Variants in TMEM175 observed in about 807,000 individuals in gnomAD.
TMEM175 encodes endosomal/lysosomal proton channel TMEM175.
A neutral mutation model predicts 36.5 loss-of-function variants in TMEM175; 36 were observed. The observed-to-expected ratio is 0.99, with a 90% CI of 0.76 to 1.30. The LOEUF (loss-of-function observed/expected upper bound fraction) is 1.30. Ranked by LOEUF, TMEM175 falls within the 50% of genes most tolerant of loss-of-function variation. The pLI, the probability that TMEM175 is intolerant of heterozygous loss-of-function variation, is 0.00. For missense variants in TMEM175, 705 were observed against 692.8 expected (o/e 1.02, Z -0.20); for synonymous variants, 339 against 313.4 (o/e 1.08, Z -0.86).
chr4:941,439 CTTT>C (rs1228124580), intron 1 of TMEM175, among the ~76,000 whole-genome samples: 1 of 131,634 alleles, frequency 7.6e-6, no homozygotes. Context: ...CTCTATTTTT[CTTT>C]TTTTTTTTTT....
chr4:944,506 G>A lies in TMEM175; in HGVS notation c.-31-3203G>A, dbSNP rs370798864. ...AGCAAAAGCCCCCCACCTGCTCCCC[G>A]CCCCTCCCTGCCTGGGTTGCTGCAG... is the stretch of plus-strand genomic sequence containing the variant. On this transcript the variant is annotated intron_variant, in intron 1 of 10. Coordinates refer to ENST00000264771, the MANE Select transcript of TMEM175 (RefSeq NM_032326.4). Among the ~76,000 whole-genome samples, 6 of 152,006 alleles carry A rather than the reference G, an allele frequency of 3.9e-5. No individual in the cohort carries two copies. The East Asian group carries it at 7.7e-4, about 20-fold the overall frequency.
chr4:946,566 C>T (rs1288969850), intron 1 of TMEM175, among the ~76,000 whole-genome samples: 1 of 152,220 alleles, frequency 6.6e-6, no homozygotes, highest in Non-Finnish European at 1.5e-5. Flanking sequence ...ATGGCTCCTG[C>T]AGCCATACCT....
chr4:956,217 C>T (rs1729614117), intron 10 of TMEM175: 6 of 989,642 alleles, frequency 6.1e-6, no homozygotes, highest in Non-Finnish European at 8.1e-6. Context: ...GGGTATCCCC[C>T]TGCCCCAGGC....
rs1560506618 is a variant in TMEM175 at position 958,432 on chromosome 4, AC to A, written c.1457del (p.Pro486ArgfsTer?). 9 of 1,558,662 alleles carry A rather than the reference AC, an allele frequency of 5.8e-6. No homozygotes were observed. The highest frequency in any genetic ancestry group is 6.9e-6 in the Non-Finnish European group (8 of 1,158,714). On this transcript the variant is annotated frameshift_variant, in exon 11 of 11. Coordinates refer to ENST00000264771, the MANE Select transcript of TMEM175 (RefSeq NM_032326.4). LOFTEE classifies it low-confidence loss of function (END_TRUNC). ...RVLRGLARPE[H>X]PPPAPTGQDD... ...CTGCGGGGCCTCGCCCGGCCCGAAC[AC>A]CCCCCGCCAGCCCCCACGGGCCAGG...
intron 1 of TMEM175, among the ~76,000 whole-genome samples, chr4:939,111 A>C (rs533935178): frequency 6.6e-6 from 1 of 152,356 alleles, no homozygotes; most frequent in South Asian, 2.1e-4. Flanking sequence ...AGCCTGGGCA[A>C]CAGTGTGGAG....
At chr4:951,616 C>G in intron 5 of TMEM175, 66 bp from the exon 6 acceptor site, 1 of 1,608,360 alleles carries the variant, frequency 6.2e-7, no homozygotes, top group Non-Finnish European at 8.5e-7. Flanking sequence ...CCGGAGTGGG[C>G]TCTGTCCATT....
intron 1 of TMEM175, among the ~76,000 whole-genome samples, chr4:939,454 G>T (rs934836222): frequency 6.6e-6 from 1 of 151,586 alleles, no homozygotes; most frequent in Non-Finnish European, 1.5e-5. Context: ...AATGGCTCAC[G>T]CCTGTAATCC....
chr4:942,110 G>T (rs1332507874), intron 1 of TMEM175, among the ~76,000 whole-genome samples: 1 of 150,916 alleles, frequency 6.6e-6, no homozygotes, highest in Non-Finnish European at 1.5e-5. Flanking sequence ...CTAGGCTGGA[G>T]TGCAGTGGTG....
At chr4:954,313 A>G (rs1729344090) in intron 8 of TMEM175, among the ~76,000 whole-genome samples, 1 of 152,194 alleles carries the variant, frequency 6.6e-6, no homozygotes, top group Non-Finnish European at 1.5e-5. Flanking sequence ...AGGAATCTAT[A>G]CAAAACTGTG....
intron 8 of TMEM175, among the ~76,000 whole-genome samples, chr4:953,587 G>A (rs1377756977): frequency 2.6e-5 from 4 of 152,248 alleles, no homozygotes; most frequent in East Asian, 1.9e-4. Context: ...GACGCTCATC[G>A]AAGGAAGGGG....
In TMEM175 at chr4:934,911, A is replaced by G. The variant is rs147001081; in HGVS notation, c.-32+2371A>G. ...GCTGCAGTTGTAGGTGACCTTATGT[A>G]TTTATTGGAATGAAGGTGAAGGAAT... On this transcript the variant is annotated intron_variant, in intron 1 of 10. Coordinates refer to ENST00000264771, the MANE Select transcript of TMEM175 (RefSeq NM_032326.4). 2.9e-3 allele frequency among the ~76,000 whole-genome samples: 444 copies of G among 152,326 alleles called. 2 individuals carry two copies. The highest frequency in any genetic ancestry group is 0.01 in the African/African-American group (425 of 41,582).
chr4:951,854 G>A (rs751350605), intron 6 of TMEM175, 137 bp downstream of exon 6: 680 of 987,684 alleles, frequency 6.9e-4, no homozygotes, highest in Non-Finnish European at 9.7e-4. Context: ...GTTCTGGGGA[G>A]AGCCAGCTGT....
chr4:958,639 C>T lies in TMEM175; in HGVS notation c.*143C>T, dbSNP rs1038512912. On this transcript the variant is annotated 3_prime_UTR_variant, in exon 11 of 11. Coordinates refer to ENST00000264771, the MANE Select transcript of TMEM175 (RefSeq NM_032326.4). ...TATTTTCATTGTGAAATATCATGCT[C>T]TTATTTCAGTCCTCAAATTGTTCTC... 1 of 673,398 alleles carries T rather than the reference C, an allele frequency of 1.5e-6. No individual in the cohort carries two copies. The highest frequency in any genetic ancestry group is 1.8e-5 in the African/African-American group (1 of 54,330). 41.7% of individuals were successfully genotyped at this position (673,398 alleles called of 1,614,324 possible).
chr4:943,155 T>G (rs1356065273), intron 1 of TMEM175, among the ~76,000 whole-genome samples: 2 of 151,814 alleles, frequency 1.3e-5, no homozygotes, highest in African/African-American at 4.8e-5. Context: ...AGATGCCTAA[T>G]TAGTCAGTAG....
chr4:953,101 G>T, intron 7 of TMEM175, 89 bp from the exon 8 acceptor site: 4 of 1,384,202 alleles, frequency 2.9e-6, no homozygotes, highest in Non-Finnish European at 3.9e-6. Context: ...AGACCCTTGC[G>T]TGCGTGTGCC....
At chr4:944,584 C>T (rs551287727) in intron 1 of TMEM175, among the ~76,000 whole-genome samples, 113 of 152,198 alleles carry the variant, frequency 7.4e-4, no homozygotes, top group African/African-American at 2.6e-3. Context: ...TCATTTCTTA[C>T]CGTATACACA....
At chr4:937,426 G>T (rs993214031) in intron 1 of TMEM175, among the ~76,000 whole-genome samples, 4 of 152,140 alleles carry the variant, frequency 2.6e-5, no homozygotes, top group African/African-American at 9.7e-5. Context: ...TACCCAGCAT[G>T]GTGGTAGGTG....
intron 1 of TMEM175, among the ~76,000 whole-genome samples, chr4:939,138 T>G (rs1447677863): frequency 6.6e-6 from 1 of 152,188 alleles, no homozygotes; most frequent in Non-Finnish European, 1.5e-5. Flanking sequence ...TAAAGATAGC[T>G]AAGTAGGTAA....
chr4:935,422 A>G (rs1726680667), intron 1 of TMEM175, among the ~76,000 whole-genome samples: 1 of 152,240 alleles, frequency 6.6e-6, no homozygotes, highest in Admixed American at 6.5e-5. Flanking sequence ...GAGTATTGCA[A>G]GAGATTAAGA....
Sources: allele counts gnomAD v4.1 joint callset (sites outside exome capture counted in the v4.1 genomes callset), GRCh38; gene constraint gnomAD v4.1.1; transcripts MANE v1.5; gene names NCBI Gene and HGNC (gene_info 2026-07-23, HGNC 2026-07-21).